RORA: variants seen among roughly 807,000 people sequenced by gnomAD.
RORA encodes the protein nuclear receptor ROR-alpha.
A neutral mutation model predicts 69.5 loss-of-function variants in RORA; 7 were observed. The ratio of observed to expected loss-of-function variants is 0.10; its 90% CI spans 0.06 to 0.19. The LOEUF (loss-of-function observed/expected upper bound fraction) is 0.19. Among genes scored for constraint, RORA ranks in the 10% least tolerant of loss-of-function variants. The pLI is 1.00. For synonymous variants in RORA, 261 were observed against 240.8 expected, an observed-to-expected ratio of 1.08 and a Z score of -0.78; for missense variants, 457 against 663.0, an observed-to-expected ratio of 0.69 and a Z score of 3.41.
At chr15:60,514,299 A>G (rs1225700654) in intron 4 of RORA, among the ~76,000 whole-genome samples, 1 of 152,148 alleles carries the variant, frequency 6.6e-6, no homozygotes, top group African/African-American at 2.4e-5. Flanking sequence ...AGGCCTTCAG[A>G]TGACACTTAC....
intron 1 of RORA, among the ~76,000 whole-genome samples, chr15:61,083,826 G>A (rs2078581539): frequency 6.6e-6 from 1 of 151,896 alleles, no homozygotes; most frequent in Non-Finnish European, 1.5e-5. Context: ...TGTTTATCAA[G>A]TCTAAAAGCA....
intron 1 of RORA, among the ~76,000 whole-genome samples, chr15:60,745,068 C>T (rs1415952595): frequency 6.6e-6 from 1 of 152,224 alleles, no homozygotes; most frequent in East Asian, 1.9e-4. Flanking sequence ...TCTGAAAGGC[C>T]ATTTTGTGAC....
At chr15:60,998,627 G>A (rs1894644196) in intron 1 of RORA, among the ~76,000 whole-genome samples, 1 of 152,172 alleles carries the variant, frequency 6.6e-6, no homozygotes, top group East Asian at 1.9e-4. Context: ...TCGAACTCCT[G>A]ACCTCAGGTG....
intron 2 of RORA, among the ~76,000 whole-genome samples, chr15:60,611,991 A>G (rs577177515): frequency 6.6e-6 from 1 of 152,208 alleles, no homozygotes; most frequent in Admixed American, 6.5e-5. Context: ...CCTACCAGCC[A>G]ATGGGTGGCC....
At chr15:60,592,685 G>A in intron 2 of RORA, 2 of 1,055,518 alleles carry the variant, frequency 1.9e-6, no homozygotes, top group Non-Finnish European at 1.1e-6. Flanking sequence ...GCCGCGCCCC[G>A]CCCCGCCCCC....
chr15:60,742,293 T>C (rs2071584944), intron 1 of RORA, among the ~76,000 whole-genome samples: 1 of 150,940 alleles, frequency 6.6e-6, no homozygotes, highest in Non-Finnish European at 1.5e-5. Flanking sequence ...GGTAGATATG[T>C]AAGTGCAGAA....
chr15:60,790,615 T>C (rs2072401598), intron 1 of RORA, among the ~76,000 whole-genome samples: 1 of 152,208 alleles, frequency 6.6e-6, no homozygotes, highest in South Asian at 2.1e-4. Flanking sequence ...TCCTCGTCTT[T>C]GTGTGACTTT....
intron 1 of RORA, among the ~76,000 whole-genome samples, chr15:60,898,128 A>G (rs370540351): frequency 1.6e-4 from 24 of 152,238 alleles, no homozygotes; most frequent in African/African-American, 4.6e-4. Flanking sequence ...TGAGAGCACA[A>G]TGAAGAATAC....
intron 2 of RORA, among the ~76,000 whole-genome samples, chr15:60,674,478 G>A (rs2070522514): frequency 6.6e-6 from 1 of 152,118 alleles, no homozygotes; most frequent in Admixed American, 6.5e-5. Flanking sequence ...GGTGAAAAGT[G>A]AATACATTAA....
At chr15:61,130,008 T>C (rs1014348670) in intron 1 of RORA, among the ~76,000 whole-genome samples, 15 of 152,140 alleles carry the variant, frequency 9.9e-5, no homozygotes, top group Non-Finnish European at 1.6e-4. Context: ...CTGCTCTGCA[T>C]GGCTGCACCC....
At chr15:60,755,972 T>G (rs1377225941) in intron 1 of RORA, among the ~76,000 whole-genome samples, 2 of 152,202 alleles carry the variant, frequency 1.3e-5, no homozygotes, top group Admixed American at 6.5e-5. Flanking sequence ...GGCACCGTCC[T>G]GGTACAGGGG....
At chr15:60,516,153 ATATATAT>A (rs2065920372) in intron 3 of RORA, among the ~76,000 whole-genome samples, 1 of 31,572 alleles carries the variant, frequency 3.2e-5, no homozygotes, top group Non-Finnish European at 5.3e-5. Context: ...ATATTTATAT[ATATATAT>A]TTATATATAT....
At chr15:60,561,066 TTTTTG>T (rs906918486) in intron 2 of RORA, among the ~76,000 whole-genome samples, 1 of 131,666 alleles carries the variant, frequency 7.6e-6, no homozygotes, top group Non-Finnish European at 1.5e-5. Flanking sequence ...GTTTTTTTTT[TTTTTG>T]TTTTGTTTTT....
At chr15:60,618,332 C>T (rs79644162) in intron 2 of RORA, among the ~76,000 whole-genome samples, 2,967 of 152,298 alleles carry the variant, frequency 0.019, 115 homozygotes, top group African/African-American at 0.068. Flanking sequence ...GCTCTGACCC[C>T]TGCCTACCCA....
chr15:60,967,780 T>C (rs1420628304), intron 1 of RORA, among the ~76,000 whole-genome samples: 5 of 152,344 alleles, frequency 3.3e-5, no homozygotes, highest in Admixed American at 2.6e-4. Flanking sequence ...TCTAATCAGC[T>C]ATCATCCAGT....
At chr15:60,634,498 G>A (rs1020983266) in intron 2 of RORA, among the ~76,000 whole-genome samples, 14 of 151,420 alleles carry the variant, frequency 9.2e-5, no homozygotes, top group African/African-American at 1.2e-4. Flanking sequence ...TCCCCCTCCC[G>A]GGTTCAAGCG....
intron 1 of RORA, among the ~76,000 whole-genome samples, chr15:60,996,961 C>T (rs1202481281): frequency 6.6e-6 from 1 of 151,792 alleles, no homozygotes; most frequent in African/African-American, 2.4e-5. Flanking sequence ...TTACACCATC[C>T]TCAAATACAT....
chr15:61,046,278 C>A (rs782944), intron 1 of RORA, among the ~76,000 whole-genome samples: 76,451 of 152,022 alleles, frequency 0.5, 19,319 homozygotes, highest in Non-Finnish European at 0.54. Flanking sequence ...GCACTGTACA[C>A]ACAGGATGGC....
chr15:61,201,753 T>C (rs1355481931), intron 1 of RORA, among the ~76,000 whole-genome samples: 1 of 152,196 alleles, frequency 6.6e-6, no homozygotes, highest in Non-Finnish European at 1.5e-5. Flanking sequence ...AACCATAGGT[T>C]AGGAAAGATT....
Sources: allele counts gnomAD v4.1 joint callset (sites outside exome capture counted in the v4.1 genomes callset), GRCh38; gene constraint gnomAD v4.1.1; transcripts MANE v1.5; gene names NCBI Gene and HGNC (gene_info 2026-07-23, HGNC 2026-07-21).